Variants in CCDC73 observed in about 807,000 individuals in gnomAD.
The protein encoded by CCDC73 is coiled-coil domain containing 73.
In CCDC73, 95 loss-of-function variants were observed where a neutral mutation model predicts 116.5. That is an observed-to-expected ratio of 0.82 (90% CI 0.69 to 0.97). The LOEUF is 0.97. Ranked by LOEUF, CCDC73 falls within the 50% of genes least tolerant of loss-of-function variation. The pLI is 0.00. For synonymous variants in CCDC73, 398 were observed against 401.3 expected (o/e 0.99, Z 0.10); for missense variants, 1,066 against 1,206.8 (o/e 0.88, Z 1.73).
At chr11:32,665,534 T>C (rs1855972700) in intron 9 of CCDC73, among the ~76,000 whole-genome samples, 1 of 152,218 alleles carries the variant, frequency 6.6e-6, no homozygotes, top group South Asian at 2.1e-4. Flanking sequence ...CATCCCTTTA[T>C]CTTGAGCCTA....
chr11:32,762,180 T>G (rs1371966385), intron 1 of CCDC73, among the ~76,000 whole-genome samples: 18 of 152,146 alleles, frequency 1.2e-4, no homozygotes, highest in Non-Finnish European at 2.4e-4. Context: ...AAAATTTCCA[T>G]TACTGAAAAT....
At chr11:32,645,851 T>C (rs12292298) in intron 12 of CCDC73, among the ~76,000 whole-genome samples, 1,571 of 152,290 alleles carry the variant, frequency 0.01, 26 homozygotes, top group African/African-American at 0.036. Context: ...CATTATAATC[T>C]TATGGGACCA....
intron 17 of CCDC73, among the ~76,000 whole-genome samples, chr11:32,608,892 A>G (rs936546678): frequency 1.1e-4 from 16 of 152,180 alleles, no homozygotes; most frequent in African/African-American, 3.9e-4. Flanking sequence ...CTCTGAAGCA[A>G]TGGCCCAAGC....
intron 2 of CCDC73, among the ~76,000 whole-genome samples, chr11:32,759,025 T>C (rs1462088194): frequency 6.6e-6 from 1 of 152,070 alleles, no homozygotes; most frequent in African/African-American, 2.4e-5. Context: ...TATTATATAA[T>C]AAAAATGTTG....
intron 5 of CCDC73, 21 bp downstream of exon 5, chr11:32,700,770 T>A (rs1325326018): frequency 1.6e-6 from 2 of 1,275,228 alleles, no homozygotes; most frequent in Non-Finnish European, 1.1e-6. Context: ...AGACAGAAAA[T>A]TTTAAAAAAA....
intron 9 of CCDC73, among the ~76,000 whole-genome samples, chr11:32,672,159 C>G (rs911595554): frequency 2.0e-5 from 3 of 152,148 alleles, no homozygotes; most frequent in Non-Finnish European, 2.9e-5. Context: ...CTGGCCAAGA[C>G]AGTGAAACCC....
At chr11:32,666,261 A>G (rs1432471426) in intron 9 of CCDC73, among the ~76,000 whole-genome samples, 2 of 152,170 alleles carry the variant, frequency 1.3e-5, no homozygotes, top group African/African-American at 4.8e-5. Flanking sequence ...GTGGTTTTCA[A>G]CTTGGTTCCA....
chr11:32,733,044 T>C (rs1456646741), intron 2 of CCDC73, among the ~76,000 whole-genome samples: 3 of 152,042 alleles, frequency 2.0e-5, no homozygotes, highest in East Asian at 1.9e-4. Context: ...CAGAGACACA[T>C]ATAGGCTCAA....
chr11:32,782,759 G>T (rs1373646717), intron 1 of CCDC73, among the ~76,000 whole-genome samples: 1 of 152,056 alleles, frequency 6.6e-6, no homozygotes, highest in South Asian at 2.1e-4. Context: ...GAAGAGATGA[G>T]TGTATATTAC....
chr11:32,688,035 G>A (rs949190437), intron 6 of CCDC73, among the ~76,000 whole-genome samples: 4 of 152,076 alleles, frequency 2.6e-5, no homozygotes. Flanking sequence ...AGGAAACTAT[G>A]AGTCTATATT....
intron 1 of CCDC73, among the ~76,000 whole-genome samples, chr11:32,780,313 T>C (rs1258493285): frequency 1.3e-5 from 2 of 151,644 alleles, no homozygotes; most frequent in Non-Finnish European, 2.9e-5. Flanking sequence ...AAATAACATA[T>C]TTACCTATAA....
chr11:32,768,134 A>G (rs1850459766), intron 1 of CCDC73, among the ~76,000 whole-genome samples: 1 of 152,262 alleles, frequency 6.6e-6, no homozygotes, highest in Non-Finnish European at 1.5e-5. Flanking sequence ...ATGGAATACT[A>G]TGCAGCCATA....
At chr11:32,746,818 G>T (rs1292077060) in intron 2 of CCDC73, among the ~76,000 whole-genome samples, 2 of 152,112 alleles carry the variant, frequency 1.3e-5, no homozygotes, top group African/African-American at 4.8e-5. Flanking sequence ...ATTCTAGTTA[G>T]CCATTTGTCT....
At chr11:32,673,658 A>G (rs976248758) in intron 9 of CCDC73, among the ~76,000 whole-genome samples, 1 of 152,228 alleles carries the variant, frequency 6.6e-6, no homozygotes, top group Non-Finnish European at 1.5e-5. Flanking sequence ...TAGCCTATAC[A>G]AAATTGAATT....
intron 3 of CCDC73, among the ~76,000 whole-genome samples, chr11:32,717,388 C>T (rs1311462699): frequency 6.6e-6 from 1 of 152,104 alleles, no homozygotes. Context: ...AAATAAGGGA[C>T]GAGTTATGAG....
At chr11:32,774,175 C>T (rs1337703025) in intron 1 of CCDC73, among the ~76,000 whole-genome samples, 1 of 152,140 alleles carries the variant, frequency 6.6e-6, no homozygotes, top group Non-Finnish European at 1.5e-5. Flanking sequence ...AACTTCTCAT[C>T]TTCTGCAGGG....
chr11:32,608,021 C>T (rs537866945), intron 17 of CCDC73, among the ~76,000 whole-genome samples: 1 of 67,690 alleles, frequency 1.5e-5, no homozygotes, highest in East Asian at 2.0e-4. Flanking sequence ...TAGGAAAGAC[C>T]GGCCCCCCCC....
At chr11:32,669,318 T>G (rs1590582352) in intron 9 of CCDC73, among the ~76,000 whole-genome samples, 1 of 152,300 alleles carries the variant, frequency 6.6e-6, no homozygotes, top group East Asian at 1.9e-4. Context: ...TCAACTGATT[T>G]TTTTAATTTT....
intron 2 of CCDC73, among the ~76,000 whole-genome samples, chr11:32,742,197 T>C (rs545658783): frequency 2.0e-5 from 3 of 152,274 alleles, no homozygotes; most frequent in Admixed American, 2.0e-4. Flanking sequence ...CTGGGTCAAA[T>C]GGTATTTCTA....
Sources: allele counts gnomAD v4.1 joint callset (sites outside exome capture counted in the v4.1 genomes callset), GRCh38; gene constraint gnomAD v4.1.1; transcripts MANE v1.5; gene names NCBI Gene and HGNC (gene_info 2026-07-23, HGNC 2026-07-21).